The following PTPRG variants were observed in gnomAD, a reference collection of about 807,000 sequenced individuals.
PTPRG encodes the protein protein tyrosine phosphatase receptor type G.
In PTPRG, 102 loss-of-function variants were observed where a neutral mutation model predicts 165.3. The observed-to-expected ratio is 0.62, with a 90% CI of 0.53 to 0.73. The LOEUF (loss-of-function observed/expected upper bound fraction) is 0.73, where lower values mean the gene tolerates loss of function less well. Among genes scored for constraint, PTPRG ranks in the 30% least tolerant of loss-of-function variants. PTPRG has a pLI of 0.00. For synonymous variants in PTPRG, 675 were observed against 669.5 expected, an observed-to-expected ratio of 1.01 and a Z score of -0.13; for missense variants, 1,866 against 1,861.4, an observed-to-expected ratio of 1.00 and a Z score of -0.05.
intron 4 of PTPRG, among the ~76,000 whole-genome samples, chr3:62,060,091 G>A (rs1700758848): frequency 6.6e-6 from 1 of 151,792 alleles, no homozygotes; most frequent in Non-Finnish European, 1.5e-5. Context: ...GATGGCACAA[G>A]CCTGTAGCCC....
At chr3:61,986,159 G>A (rs1174859020) in intron 2 of PTPRG, among the ~76,000 whole-genome samples, 3 of 148,692 alleles carry the variant, frequency 2.0e-5, no homozygotes, top group Non-Finnish European at 2.9e-5. Flanking sequence ...TTAAAGAGTG[G>A]AACTCTGCCA....
chr3:61,608,770 CTATTGGTGA>C (rs1280432051), intron 1 of PTPRG, among the ~76,000 whole-genome samples: 36 of 152,182 alleles, frequency 2.4e-4, no homozygotes, highest in African/African-American at 8.7e-4. Flanking sequence ...ACTTCATGAA[CTATTGGTGA>C]TAAAGGATGC....
intron 5 of PTPRG, among the ~76,000 whole-genome samples, chr3:62,129,969 A>G (rs1489929327): frequency 3.9e-5 from 6 of 152,358 alleles, no homozygotes; most frequent in Middle Eastern, 3.4e-3. Context: ...AACTACTGGT[A>G]TCATAGCCTG....
intron 1 of PTPRG, among the ~76,000 whole-genome samples, chr3:61,623,414 AG>A (rs1443402488): frequency 6.6e-6 from 1 of 152,178 alleles, no homozygotes; most frequent in Admixed American, 6.5e-5. Context: ...AAGGACCTTG[AG>A]GTTAATTACA....
chr3:62,055,036 GT>G (rs2106666884), intron 4 of PTPRG, among the ~76,000 whole-genome samples: 2 of 152,256 alleles, frequency 1.3e-5, no homozygotes, highest in Admixed American at 1.3e-4. Flanking sequence ...ATGAGTAGGA[GT>G]TTTTCAGGTA....
intron 2 of PTPRG, among the ~76,000 whole-genome samples, chr3:61,879,723 T>C (rs1399700008): frequency 6.6e-6 from 1 of 152,212 alleles, no homozygotes; most frequent in African/African-American, 2.4e-5. Flanking sequence ...TATTTTTTCT[T>C]GCCTAATTGC....
intron 2 of PTPRG, among the ~76,000 whole-genome samples, chr3:61,926,966 G>C (rs1423137765): frequency 6.6e-6 from 1 of 152,126 alleles, no homozygotes; most frequent in African/African-American, 2.4e-5. Context: ...CTGTAATGTA[G>C]TGCATGCAGA....
intron 2 of PTPRG, among the ~76,000 whole-genome samples, chr3:61,837,947 C>T (rs1366366389): frequency 2.6e-5 from 4 of 152,318 alleles, no homozygotes; most frequent in East Asian, 1.9e-4. Context: ...CTTCCTCTTA[C>T]AGGGACATCA....
In PTPRG at chr3:62,064,411, A is replaced by G. The variant is rs7652897; in HGVS notation, c.520-13752A>G. On this transcript the variant is annotated intron_variant, in intron 4 of 29. Transcript: ENST00000474889. ...AGTTGATTTTCTCCTCTAACAATAT[A>G]TCTGAGAACTTTCAAGGTTGGTCTT... Among the ~76,000 whole-genome samples the G allele has an allele frequency of 3.2e-3, 481 of 152,272 alleles. 2 individuals are homozygous for G. The highest frequency in any genetic ancestry group is 0.011 in the African/African-American group (467 of 41,544).
intron 2 of PTPRG, among the ~76,000 whole-genome samples, chr3:61,887,133 T>C (rs1244463974): frequency 3.8e-5 from 1 of 25,994 alleles, no homozygotes; most frequent in Non-Finnish European, 9.2e-5. Flanking sequence ...CATATATATA[T>C]ATATATATAT....
chr3:62,188,071 CACA>C (rs1411244238), intron 8 of PTPRG, among the ~76,000 whole-genome samples: 1 of 152,082 alleles, frequency 6.6e-6, no homozygotes, highest in East Asian at 1.9e-4. Context: ...TTGAGTAAAA[CACA>C]ACAACAAAAA....
chr3:62,048,403 T>A (rs1226265363), intron 4 of PTPRG, among the ~76,000 whole-genome samples: 1 of 152,190 alleles, frequency 6.6e-6, no homozygotes, highest in Non-Finnish European at 1.5e-5. Flanking sequence ...AGTATATCCT[T>A]ATTTCTCCCA....
At chr3:62,083,039 A>G (rs957435388) in intron 5 of PTPRG, among the ~76,000 whole-genome samples, 5 of 152,220 alleles carry the variant, frequency 3.3e-5, no homozygotes, top group African/African-American at 9.6e-5. Context: ...AAATAAAAAT[A>G]TTGTCAAGGG....
intron 5 of PTPRG, 38 bp from the exon 6 acceptor site, chr3:62,132,564 A>G: frequency 6.7e-7 from 1 of 1,496,600 alleles, no homozygotes; most frequent in Non-Finnish European, 9.3e-7. Flanking sequence ...GCCTGATGCC[A>G]GAATAGATTT....
intron 7 of PTPRG, among the ~76,000 whole-genome samples, chr3:62,158,434 C>A (rs896091606): frequency 2.6e-5 from 4 of 152,146 alleles, no homozygotes; most frequent in African/African-American, 9.7e-5. Flanking sequence ...ATAGAAATGA[C>A]CACCTCCTCC....
At chr3:62,024,626 G>A (rs2041767283) in intron 4 of PTPRG, among the ~76,000 whole-genome samples, 1 of 152,178 alleles carries the variant, frequency 6.6e-6, no homozygotes, top group East Asian at 1.9e-4. Flanking sequence ...TCCCTTCTCT[G>A]TAGAATATTT....
intron 26 of PTPRG, among the ~76,000 whole-genome samples, chr3:62,279,347 T>G (rs960760246): frequency 6.6e-6 from 1 of 152,066 alleles, no homozygotes; most frequent in Non-Finnish European, 1.5e-5. Flanking sequence ...TCTTAGACTT[T>G]CAAGATGAAC....
chr3:61,562,124 C>T lies in PTPRG; in HGVS notation c.-164C>T. The T allele has an allele frequency of 3.7e-6, 2 of 540,400 alleles. No homozygotes were observed. The highest frequency in any genetic ancestry group is 6.6e-6 in the Non-Finnish European group (2 of 303,668). 33.5% of individuals were successfully genotyped at this position (540,400 alleles called of 1,614,324 possible). A position where few individuals can be genotyped will look rare whatever the true frequency, so the allele number is the denominator to read the frequency against. ...TTGAGATTTTCCGGGGGGCGCTCGG[C>T]GGCTTCCCGGATTCCAAGGGGACTC... On this transcript the variant is annotated 5_prime_UTR_variant, in exon 1 of 30. Coordinates refer to ENST00000474889, the MANE Select transcript of PTPRG (RefSeq NM_002841.4).
At chr3:62,054,029 T>C (rs547788003) in intron 4 of PTPRG, among the ~76,000 whole-genome samples, 1 of 152,348 alleles carries the variant, frequency 6.6e-6, no homozygotes, top group Admixed American at 6.5e-5. Context: ...CCCATCACTC[T>C]GAAAGGCTTC....
Sources: gnomAD v4.1 joint callset for allele counts (sites outside exome capture counted in the v4.1 genomes callset) on GRCh38, gnomAD v4.1.1 for gene constraint, MANE v1.5 for transcripts, NCBI Gene and HGNC (gene_info 2026-07-23, HGNC 2026-07-21) for gene names.